Variants in KIF26B observed in about 807,000 individuals in gnomAD.
The protein encoded by KIF26B is kinesin family member 26B, also known as kinesin-like protein KIF26B.
A neutral mutation model predicts 151.2 loss-of-function variants in KIF26B; 63 were observed. The observed-to-expected ratio is 0.42, with a 90% CI of 0.34 to 0.51. KIF26B has a LOEUF of 0.51. KIF26B is among the 20% of genes least tolerant of loss of function. The pLI, the probability that KIF26B is intolerant of heterozygous loss-of-function variation, is 0.07. For missense variants in KIF26B, 2,813 were observed against 2,913.6 expected (o/e 0.97, Z 0.79); for synonymous variants, 1,357 against 1,262.1 (o/e 1.08, Z -1.59).
chr1:245,270,996 A>G (rs945176596), intron 2 of KIF26B, among the ~76,000 whole-genome samples: 1 of 152,098 alleles, frequency 6.6e-6, no homozygotes, highest in African/African-American at 2.4e-5. Flanking sequence ...TCCTAGCACC[A>G]CTTTGTGAGA....
rs938782512 is a variant in KIF26B, at chr1:245,358,536, AAAC to A, written c.466-8295_466-8293del. On this transcript the variant is annotated intron_variant, in intron 2 of 14. Coordinates refer to ENST00000407071, the MANE Select transcript of KIF26B (RefSeq NM_018012.4). This position sits in a 1 kb window ranked among gnomAD's most constrained non-coding sequence, Gnocchi z 4.1. Reference sequence around the variant, plus strand: ...CTCCGTCTCAAAACAAAACAAAACAAAACAAAACAGCCAAGTACATTTATGCAG... The same window carrying A: ...CTCCGTCTCAAAACAAAACAAAACAAAAAACAGCCAAGTACATTTATGCAG... Among the ~76,000 whole-genome samples the A allele has an allele frequency of 6.6e-6, 1 of 151,352 alleles. No homozygotes were observed. Among genetic ancestry groups the A allele is most frequent in the African/African-American group, 2.4e-5 (1 of 40,856 alleles).
intron 2 of KIF26B, among the ~76,000 whole-genome samples, chr1:245,271,952 A>G (rs1670862616): frequency 6.6e-6 from 1 of 152,194 alleles, no homozygotes; most frequent in Non-Finnish European, 1.5e-5. Flanking sequence ...AATATTTGGT[A>G]GAGTTCTCCA....
chr1:245,260,782 A>G (rs535098004), intron 2 of KIF26B, among the ~76,000 whole-genome samples: 3 of 152,356 alleles, frequency 2.0e-5, no homozygotes, highest in African/African-American at 7.2e-5. Context: ...ACCCACACAG[A>G]CAGAACCAAG....
intron 9 of KIF26B, among the ~76,000 whole-genome samples, chr1:245,637,384 G>A (rs1301083471): frequency 6.6e-6 from 1 of 151,868 alleles, no homozygotes; most frequent in Non-Finnish European, 1.5e-5. Context: ...GGCCCATTGA[G>A]TTGTTTGAAT....
Position 245,698,632 on chromosome 1 carries a change from G to A in KIF26B, c.6028-255G>A, listed in dbSNP as rs763512512. Among the ~76,000 whole-genome samples the A allele has an allele frequency of 2.0e-5, 3 of 152,168 alleles. No individual in the cohort carries two copies. Among genetic ancestry groups the A allele is most frequent in the Non-Finnish European group, 4.4e-5 (3 of 68,034 alleles). ...TGTCCAACTTGAACACCCACCACCT[G>A]CTTTCTCAACTTAAGAATGGCCTGT... On this transcript the variant is annotated intron_variant, in intron 13 of 14. Transcript: ENST00000407071. The surrounding 1 kb of genome is among the most constrained non-coding windows in gnomAD (Gnocchi z 4.0).
chr1:245,252,281 A>T (rs1304218889), intron 2 of KIF26B, among the ~76,000 whole-genome samples: 1 of 150,816 alleles, frequency 6.6e-6, no homozygotes, highest in Non-Finnish European at 1.5e-5. Context: ...TGTCTCAAAA[A>T]AAAAAAAAAA....
rs1660495940 is a variant in KIF26B at position 245,495,549 on chromosome 1, C to T, written c.1167-45218C>T. Among the ~76,000 whole-genome samples, 1 of 152,072 alleles carries T rather than the reference C, an allele frequency of 6.6e-6. No homozygotes were observed. Among genetic ancestry groups the T allele is most frequent in the Admixed American group, 6.6e-5 (1 of 15,256 alleles). On this transcript the variant is annotated intron_variant, in intron 4 of 14. Coordinates refer to ENST00000407071, the MANE Select transcript of KIF26B (RefSeq NM_018012.4). This position sits in a 1 kb window ranked among gnomAD's most constrained non-coding sequence, Gnocchi z 4.2. ...AAACATACAATAAATCATCATTAAC[C>T]ATATTCACCTGAGAGTGCTGCAGGA...
chr1:245,481,353 T>A (rs1362636955), intron 4 of KIF26B, among the ~76,000 whole-genome samples: 1 of 151,856 alleles, frequency 6.6e-6, no homozygotes, highest in African/African-American at 2.4e-5. Context: ...AGTCAATCTG[T>A]CTAGAGAACA....
intron 3 of KIF26B, among the ~76,000 whole-genome samples, chr1:245,382,294 C>T (rs1245680803): frequency 2.6e-5 from 4 of 150,956 alleles, no homozygotes; most frequent in Non-Finnish European, 4.4e-5. Context: ...TGTGGATCTG[C>T]GTTTCCCTCA....
intron 2 of KIF26B, among the ~76,000 whole-genome samples, chr1:245,290,329 A>C (rs537731854): frequency 4.1e-4 from 62 of 152,372 alleles, no homozygotes; most frequent in South Asian, 2.3e-3. Flanking sequence ...CTTATGCAAG[A>C]AAGAATTCTA....
rs2044224343 is a variant in KIF26B, at chr1:245,667,017, C to A, written c.2259-17216C>A. 6.6e-6 allele frequency among the ~76,000 whole-genome samples: 1 copy of A among 152,110 alleles called. No homozygotes were observed. The highest frequency in any genetic ancestry group is 2.4e-5 in the African/African-American group (1 of 41,424). ...GTAATGTTGGTGTAAAATGTCTCTG[C>A]TGTGATCCACCCTTGAAGACTGTGA... On this transcript the variant is annotated intron_variant, in intron 10 of 14. Coordinates refer to ENST00000407071, the MANE Select transcript of KIF26B (RefSeq NM_018012.4). This position sits in a 1 kb window ranked among gnomAD's most constrained non-coding sequence, Gnocchi z 4.3.
chr1:245,686,262 C>T lies in KIF26B; in HGVS notation c.3279C>T (p.Thr1093=), dbSNP rs372333807. ...CTTCCCAGAGATGCAAAGTCTACAC[C>T]CAGAAGGGGGTCCTGCCGTCTCCCG... ...SSPSQRCKVY[T]QKGVLPSPAP... The change falls in exon 12 of 15, where the codon ACC becomes ACT. Residue 1093 remains threonine (T), a synonymous_variant. Transcript: ENST00000407071. The surrounding 1 kb of genome is among the most constrained non-coding windows in gnomAD (Gnocchi z 5.6). 3.9e-5 allele frequency: 63 copies of T among 1,612,902 alleles called. 1 individual carries two copies. The Middle Eastern group carries it at 3.1e-3, about 80-fold the overall frequency.
At chr1:245,649,886 A>G (rs2043996216) in intron 10 of KIF26B, among the ~76,000 whole-genome samples, 4 of 152,184 alleles carry the variant, frequency 2.6e-5, no homozygotes, top group Non-Finnish European at 5.9e-5. Flanking sequence ...GTTTGGATTC[A>G]TTACCCATCC....
rs115606842 is a variant in KIF26B at position 245,288,543 on chromosome 1, G to C, written c.466-78291G>C. Among the ~76,000 whole-genome samples the C allele has an allele frequency of 5.9e-3, 904 of 152,312 alleles. 10 individuals carry two copies. Among genetic ancestry groups the C allele is most frequent in the African/African-American group, 0.02 (844 of 41,572 alleles). On this transcript the variant is annotated intron_variant, in intron 2 of 14. Transcript: ENST00000407071. Reference sequence around the variant, plus strand: ...ATGGGAACATATGCCGTAAAGATTGGGGGTCCATCAGGGATGAAGTCTTGC... The same window carrying C: ...ATGGGAACATATGCCGTAAAGATTGCGGGTCCATCAGGGATGAAGTCTTGC...
chr1:245,349,390 G>A (rs1026497847), intron 2 of KIF26B, among the ~76,000 whole-genome samples: 1 of 152,058 alleles, frequency 6.6e-6, no homozygotes, highest in Non-Finnish European at 1.5e-5. Context: ...TTCCGTTGAT[G>A]GTAATGGATG....
In KIF26B at chr1:245,241,366, G is replaced by C. The variant is rs1670207973; in HGVS notation, c.465+84683G>C. ...GGAGGCAGCTGGATCGGCTTCTCCA[G>C]AGCCTGCTGGCTGGAGGTTGGCTGT... On this transcript the variant is annotated intron_variant, in intron 2 of 14. Coordinates refer to ENST00000407071, the MANE Select transcript of KIF26B (RefSeq NM_018012.4). The surrounding 1 kb of genome is among the most constrained non-coding windows in gnomAD (Gnocchi z 5.0). Among the ~76,000 whole-genome samples the C allele has an allele frequency of 6.6e-6, 1 of 152,204 alleles. No homozygotes were observed.
intron 3 of KIF26B, among the ~76,000 whole-genome samples, chr1:245,390,175 G>GTTTT (rs61383926): frequency 0.022 from 3,216 of 146,868 alleles, 96 homozygotes; most frequent in African/African-American, 0.068. Context: ...TATTTGGAGG[G>GTTTT]TTTTTTTTTT....
At chr1:245,398,231 G>A (rs556772544) in intron 3 of KIF26B, among the ~76,000 whole-genome samples, 2 of 152,154 alleles carry the variant, frequency 1.3e-5, no homozygotes, top group African/African-American at 4.8e-5. Flanking sequence ...AGGTGAGGTG[G>A]TGGGAAGCAA....
At position 245,673,054 on chromosome 1, in the gene KIF26B, T is replaced by C. The variant is rs79994042; in HGVS notation, c.2259-11179T>C. On this transcript the variant is annotated intron_variant, in intron 10 of 14. Coordinates refer to ENST00000407071, the MANE Select transcript of KIF26B (RefSeq NM_018012.4). ...CTGCCATCTTAGGCCCAGTCCCCAC[T>C]GCACGCTGTCATCTTAGGCCCAGTC... 6.0e-5 allele frequency among the ~76,000 whole-genome samples: 9 copies of C among 150,156 alleles called. No homozygotes were observed. The South Asian group carries it at 8.5e-4, about 14-fold the overall frequency.
Sources: allele counts gnomAD v4.1 joint callset (sites outside exome capture counted in the v4.1 genomes callset), GRCh38; gene constraint gnomAD v4.1.1; non-coding constraint Gnocchi (gnomAD v3.1); transcripts MANE v1.5; gene names NCBI Gene and HGNC (gene_info 2026-07-23, HGNC 2026-07-21).